The following CPPED1 variants were observed in gnomAD, a reference collection of about 807,000 sequenced individuals.
The protein encoded by CPPED1 is calcineurin like phosphoesterase domain containing 1.
Under a neutral mutation model 28.0 loss-of-function variants are expected in CPPED1, and 28 were observed. The ratio of observed to expected loss-of-function variants is 1.00; its 90% CI spans 0.74 to 1.37. CPPED1 has a LOEUF of 1.37. Ranked by LOEUF, CPPED1 falls within the 40% of genes most tolerant of loss-of-function variation. The pLI, the probability that CPPED1 is intolerant of heterozygous loss-of-function variation, is 0.00. For synonymous variants in CPPED1, 198 were observed against 180.2 expected, an observed-to-expected ratio of 1.10 and a Z score of -0.79; for missense variants, 504 against 416.5, an observed-to-expected ratio of 1.21 and a Z score of -1.83.
intron 2 of CPPED1, among the ~76,000 whole-genome samples, chr16:12,734,474 G>C (rs964617414): frequency 6.6e-5 from 10 of 152,014 alleles, no homozygotes; most frequent in African/African-American, 2.2e-4. Flanking sequence ...CCGCCTCCTG[G>C]GTTCACACCA....
intron 2 of CPPED1, among the ~76,000 whole-genome samples, chr16:12,746,830 G>C (rs1460044845): frequency 6.6e-6 from 1 of 152,100 alleles, no homozygotes; most frequent in Non-Finnish European, 1.5e-5. Flanking sequence ...CTTGCAGGTG[G>C]ACTGTGAGAA....
At chr16:12,760,404 A>G (rs2080401882) in intron 2 of CPPED1, 1 of 152,176 alleles carries the variant, frequency 6.6e-6, no homozygotes, top group African/African-American at 2.4e-5. Context: ...GAAAGAACAA[A>G]GAGTTTAAGA....
chr16:12,668,686 T>C (rs62029728), intron 3 of CPPED1, among the ~76,000 whole-genome samples: 2,401 of 152,290 alleles, frequency 0.016, 30 homozygotes, highest in Non-Finnish European at 0.022. Flanking sequence ...TTAACAGACA[T>C]TTCTTCAAAG....
Position 12,670,819 on chromosome 16 carries a change from C to T in CPPED1, c.716-5704G>A, listed in dbSNP as rs145169694. Reference sequence around the variant, plus strand: ...CATACGATGACTAAATGTAAATGATCCATGTGTTTTTATTTTTTTAATTAT... The same window carrying T: ...CATACGATGACTAAATGTAAATGATTCATGTGTTTTTATTTTTTTAATTAT... On this transcript the variant is annotated intron_variant, in intron 3 of 3. Coordinates refer to ENST00000381774, the MANE Select transcript of CPPED1 (RefSeq NM_018340.3). This position sits in a 1 kb window ranked among gnomAD's most constrained non-coding sequence, Gnocchi z 4.2. Among the ~76,000 whole-genome samples the T allele has an allele frequency of 7.2e-5, 11 of 152,186 alleles. No individual in the cohort carries two copies. The East Asian group carries it at 2.1e-3, about 29-fold the overall frequency.
In CPPED1 at chr16:12,687,639, C is replaced by T. The variant is rs543507121; in HGVS notation, c.715+16985G>A. Among the ~76,000 whole-genome samples, 46 of 152,226 alleles carry T rather than the reference C, an allele frequency of 3.0e-4. No homozygotes were observed. In the South Asian group the frequency reaches 8.7e-3, roughly 29 times the overall value. On this transcript the variant is annotated intron_variant, in intron 3 of 3. Transcript: ENST00000381774. ...TACAAAAACTAGCTAGGCGTGGTGG[C>T]GAGCACCTATAATCCCAGCTACTCG...
At chr16:12,700,681 C>G (rs533123770) in intron 3 of CPPED1, among the ~76,000 whole-genome samples, 2 of 152,218 alleles carry the variant, frequency 1.3e-5, no homozygotes, top group Non-Finnish European at 2.9e-5. Flanking sequence ...TGTGAACTAC[C>G]ACACCTGGCC....
chr16:12,683,913 C>T (rs926351750), intron 3 of CPPED1, among the ~76,000 whole-genome samples: 13 of 152,288 alleles, frequency 8.5e-5, no homozygotes, highest in Non-Finnish European at 5.9e-5. Context: ...AGCCTCCTTC[C>T]ATCTTTCTGT....
chr16:12,793,945 G>A (rs927718725), intron 1 of CPPED1, among the ~76,000 whole-genome samples: 6 of 152,172 alleles, frequency 3.9e-5, no homozygotes, highest in Non-Finnish European at 5.9e-5. Flanking sequence ...AATTTTTGCA[G>A]TTTCTCACAA....
At chr16:12,693,224 TGA>T (rs1299124190) in intron 3 of CPPED1, among the ~76,000 whole-genome samples, 7 of 152,108 alleles carry the variant, frequency 4.6e-5, no homozygotes, top group African/African-American at 1.4e-4. Flanking sequence ...TATTTGCTTT[TGA>T]GAGTCTCACT....
At chr16:12,784,557 A>G (rs78500630) in intron 1 of CPPED1, among the ~76,000 whole-genome samples, 1 of 29,102 alleles carries the variant, frequency 3.4e-5, no homozygotes, top group Non-Finnish European at 7.2e-5. Flanking sequence ...TTTGTCATGA[A>G]AAAAAAAAAA....
chr16:12,672,749 T>A (rs1167069366), intron 3 of CPPED1, among the ~76,000 whole-genome samples: 2 of 152,122 alleles, frequency 1.3e-5, no homozygotes, highest in African/African-American at 4.8e-5. Context: ...ATCGGGTGAT[T>A]GGGAATGAAA....
chr16:12,695,931 A>G (rs1434422781), intron 3 of CPPED1, among the ~76,000 whole-genome samples: 6 of 152,202 alleles, frequency 3.9e-5, no homozygotes, highest in Non-Finnish European at 8.8e-5. Flanking sequence ...TGTGTGCTTT[A>G]AAAAATAAAC....
intron 3 of CPPED1, among the ~76,000 whole-genome samples, chr16:12,687,043 T>C (rs2141175678): frequency 6.6e-6 from 1 of 152,294 alleles, no homozygotes; most frequent in African/African-American, 2.4e-5. Flanking sequence ...CTATCATAAA[T>C]GGCTGCATTT....
At chr16:12,792,172 C>G (rs8050109) in intron 1 of CPPED1, among the ~76,000 whole-genome samples, 39,372 of 152,036 alleles carry the variant, frequency 0.26, 6,547 homozygotes, top group African/African-American at 0.47. Flanking sequence ...AGACTGGTCT[C>G]AAACTCCTGA....
intron 2 of CPPED1, among the ~76,000 whole-genome samples, chr16:12,715,436 G>A (rs2080102300): frequency 6.6e-6 from 1 of 152,114 alleles, no homozygotes; most frequent in Non-Finnish European, 1.5e-5. Flanking sequence ...GAGGTGGGCA[G>A]ATCACTTGAG....
intron 2 of CPPED1, among the ~76,000 whole-genome samples, chr16:12,725,708 TCA>T (rs1054628381): frequency 3.9e-5 from 6 of 152,090 alleles, no homozygotes; most frequent in Non-Finnish European, 8.8e-5. Flanking sequence ...CAAATCTCTC[TCA>T]GTGACCACTA....
At chr16:12,793,875 T>C (rs998771873) in intron 1 of CPPED1, among the ~76,000 whole-genome samples, 24 of 152,334 alleles carry the variant, frequency 1.6e-4, no homozygotes, top group Admixed American at 1.4e-3. Context: ...GCAGGAAAGA[T>C]GGGAAGCTTC....
chr16:12,775,599 T>C (rs2080493241), intron 2 of CPPED1, among the ~76,000 whole-genome samples: 1 of 152,230 alleles, frequency 6.6e-6, no homozygotes, highest in African/African-American at 2.4e-5. Context: ...ATACAGTTCA[T>C]CTGGGAATCT....
chr16:12,703,263 T>G (rs1265695777), intron 3 of CPPED1, among the ~76,000 whole-genome samples: 1 of 152,202 alleles, frequency 6.6e-6, no homozygotes, highest in African/African-American at 2.4e-5. Context: ...TCTCCAATTA[T>G]GTGAGCTTAT....
Sources: gnomAD v4.1 joint callset for allele counts (sites outside exome capture counted in the v4.1 genomes callset) on GRCh38, gnomAD v4.1.1 for gene constraint, Gnocchi (gnomAD v3.1) non-coding constraint, MANE v1.5 for transcripts, NCBI Gene and HGNC (gene_info 2026-07-23, HGNC 2026-07-21) for gene names.